The following GLI3 variants were observed in gnomAD, a reference collection of about 807,000 sequenced individuals.
The protein encoded by GLI3 is transcription activator GLI3.
A neutral mutation model predicts 100.8 loss-of-function variants in GLI3; 20 were observed. The observed-to-expected ratio is 0.20, with a 90% confidence interval of 0.14 to 0.29. The LOEUF (loss-of-function observed/expected upper bound fraction) is 0.29, where lower values mean the gene tolerates loss of function less well. Among genes scored for constraint, GLI3 ranks in the 10% least tolerant of loss-of-function variants. GLI3 has a pLI of 1.00. For synonymous variants in GLI3, 938 were observed against 860.5 expected (o/e 1.09, Z -1.58); for missense variants, 2,040 against 2,128.5 (o/e 0.96, Z 0.82).
At chr7:42,256,326 G>A (rs1207215783) in intron 1 of GLI3, among the ~76,000 whole-genome samples, 1 of 151,620 alleles carries the variant, frequency 6.6e-6, no homozygotes, top group African/African-American at 2.4e-5. Context: ...AATGGATCAT[G>A]TGTTGGTTTC....
chr7:41,999,247 C>T (rs959149251), intron 10 of GLI3, among the ~76,000 whole-genome samples: 3 of 152,118 alleles, frequency 2.0e-5, no homozygotes, highest in African/African-American at 7.2e-5. Context: ...GGACACCTGC[C>T]TTCATCACTG....
At chr7:42,014,216 T>C (rs1360616593) in intron 10 of GLI3, among the ~76,000 whole-genome samples, 1 of 152,142 alleles carries the variant, frequency 6.6e-6, no homozygotes, top group African/African-American at 2.4e-5. Flanking sequence ...AAGCATTTAA[T>C]TATCCTTACT....
intron 3 of GLI3, among the ~76,000 whole-genome samples, chr7:42,088,719 G>A (rs971848820): frequency 6.6e-6 from 1 of 152,190 alleles, no homozygotes; most frequent in Non-Finnish European, 1.5e-5. Flanking sequence ...TCTGTTTTAG[G>A]ACTGGGGAGG....
chr7:42,127,857 A>G (rs1562745631), intron 3 of GLI3, among the ~76,000 whole-genome samples: 3 of 152,026 alleles, frequency 2.0e-5, no homozygotes, highest in Non-Finnish European at 4.4e-5. Context: ...AAAAAATACA[A>G]AATTATTAGC....
At chr7:42,050,148 T>C (rs999677399) in intron 4 of GLI3, among the ~76,000 whole-genome samples, 8 of 152,110 alleles carry the variant, frequency 5.3e-5, no homozygotes, top group African/African-American at 1.9e-4. Flanking sequence ...TTTCTCACTT[T>C]CTCCTTCTGA....
chr7:41,983,470 C>T (rs557737294), intron 10 of GLI3, among the ~76,000 whole-genome samples: 7 of 152,070 alleles, frequency 4.6e-5, no homozygotes, highest in Non-Finnish European at 8.8e-5. Flanking sequence ...ATTCGATGGA[C>T]GAATTGACCC....
chr7:42,092,785 T>TTTTATTTATTTA (rs201707528), intron 3 of GLI3, among the ~76,000 whole-genome samples: 37 of 145,492 alleles, frequency 2.5e-4, no homozygotes, highest in African/African-American at 9.2e-4. Context: ...TTTTATTTCA[T>TTTTATTTATTTA]TTTATTTATT....
chr7:42,257,362 T>C (rs184638939), intron 1 of GLI3, among the ~76,000 whole-genome samples: 1 of 150,466 alleles, frequency 6.6e-6, no homozygotes, highest in African/African-American at 2.4e-5. Flanking sequence ...GTCTTTTTTT[T>C]TTTTTTTTTT....
At chr7:42,157,065 G>A (rs950558408) in intron 2 of GLI3, among the ~76,000 whole-genome samples, 7 of 152,122 alleles carry the variant, frequency 4.6e-5, no homozygotes, top group Non-Finnish European at 2.9e-5. Flanking sequence ...TAAATATCAC[G>A]ATAATACCAT....
At chr7:42,189,288 A>T (rs1359140032) in intron 2 of GLI3, among the ~76,000 whole-genome samples, 1 of 152,250 alleles carries the variant, frequency 6.6e-6, no homozygotes, top group East Asian at 1.9e-4. Flanking sequence ...ATCATCAATC[A>T]AGAGAGAACA....
intron 4 of GLI3, among the ~76,000 whole-genome samples, chr7:42,049,150 C>T (rs1321952505): frequency 6.6e-6 from 1 of 152,122 alleles, no homozygotes; most frequent in African/African-American, 2.4e-5. Context: ...AAGAAAAGAA[C>T]AGAACAGAAC....
At chr7:42,182,662 A>ATATATATATATACATGTG in intron 2 of GLI3, among the ~76,000 whole-genome samples, 1 of 76,714 alleles carries the variant, frequency 1.3e-5, no homozygotes, top group South Asian at 4.7e-4. Flanking sequence ...ATATATATAT[A>ATATATATATATACATGTG]TATATATATA....
intron 10 of GLI3, among the ~76,000 whole-genome samples, chr7:42,008,144 T>C (rs947061532): frequency 1.6e-4 from 24 of 152,228 alleles, no homozygotes; most frequent in African/African-American, 5.5e-4. Flanking sequence ...GTATTACCTC[T>C]ATAATACCCC....
intron 4 of GLI3, among the ~76,000 whole-genome samples, chr7:42,075,229 TA>T (rs1208154297): frequency 1.3e-5 from 2 of 152,340 alleles, no homozygotes; most frequent in East Asian, 3.9e-4. Context: ...AAACTCATTT[TA>T]AAAAATTGCT....
rs780371802 is a variant in GLI3 at position 41,967,778 on chromosome 7, A to G, written c.2249T>C (p.Met750Thr). The change falls in exon 14 of 15, where the codon ATG becomes ACG. Residue 750 changes from methionine to threonine, a missense_variant. Met to Thr is a moderately conservative substitution (Grantham distance 81, BLOSUM62 -1). Transcript: ENST00000395925. Reference sequence around the variant, plus strand: ...GGTTGCAGTGGAAATGGTTGAGTCCATGATTGGGGTTTCATCGATGGCACT... The same window carrying G: ...GGTTGCAGTGGAAATGGTTGAGTCCGTGATTGGGGTTTCATCGATGGCACT... The part of the protein sequence containing the change: ...DLSAIDETPI[M>T]DSTISTATTA... 1.9e-6 allele frequency: 3 copies of G among 1,614,184 alleles called. No homozygotes were observed. The South Asian group carries it at 3.3e-5, about 18-fold the overall frequency.
intron 3 of GLI3, among the ~76,000 whole-genome samples, chr7:42,143,745 A>G (rs1055925661): frequency 3.3e-5 from 5 of 152,264 alleles, no homozygotes. Flanking sequence ...GAACATAGGA[A>G]GAATACCAGT....
intron 3 of GLI3, among the ~76,000 whole-genome samples, chr7:42,132,330 G>A (rs1336501612): frequency 2.0e-5 from 3 of 151,984 alleles, no homozygotes; most frequent in African/African-American, 7.3e-5. Flanking sequence ...TCGATCTCCT[G>A]ACCTCCTGAT....
intron 2 of GLI3, among the ~76,000 whole-genome samples, chr7:42,198,423 A>G (rs574035717): frequency 3.9e-5 from 6 of 152,060 alleles, no homozygotes; most frequent in Non-Finnish European, 8.8e-5. Context: ...CCATGAGGTG[A>G]GCTTTCCCAA....
upstream of GLI3, among the ~76,000 whole-genome samples, chr7:42,242,305 T>G (rs1788933371): frequency 6.6e-6 from 1 of 152,246 alleles, no homozygotes; most frequent in Non-Finnish European, 1.5e-5. Context: ...TACCACTCCC[T>G]ACAGCCTTAT....
Sources: allele counts gnomAD v4.1 joint callset (sites outside exome capture counted in the v4.1 genomes callset), GRCh38; gene constraint gnomAD v4.1.1; transcripts MANE v1.5; gene names NCBI Gene and HGNC (gene_info 2026-07-23, HGNC 2026-07-21).